PTPRA: variants seen among roughly 807,000 people sequenced by gnomAD.
The protein encoded by PTPRA is protein tyrosine phosphatase receptor type A.
A neutral mutation model predicts 104.8 loss-of-function variants in PTPRA; 25 were observed. That is an observed-to-expected ratio of 0.24 (90% confidence interval 0.17 to 0.33). The LOEUF (loss-of-function observed/expected upper bound fraction) is 0.33, where lower values mean the gene tolerates loss of function less well. PTPRA is among the 10% of genes least tolerant of loss of function. PTPRA has a pLI of 1.00. For missense variants in PTPRA, 765 were observed against 1,015.3 expected (o/e 0.75, Z 3.35); for synonymous variants, 323 against 368.9 (o/e 0.88, Z 1.43).
intron 1 of PTPRA, among the ~76,000 whole-genome samples, chr20:2,910,076 T>C (rs1183813995): frequency 2.5e-5 from 3 of 121,350 alleles, no homozygotes; most frequent in East Asian, 2.1e-4. Flanking sequence ...ATATATATGA[T>C]GTATAGTATA....
At chr20:2,888,566 A>T (rs1214489312) in intron 1 of PTPRA, among the ~76,000 whole-genome samples, 1 of 151,612 alleles carries the variant, frequency 6.6e-6, no homozygotes, top group Admixed American at 6.6e-5. Flanking sequence ...AAGAAAAAGC[A>T]TTTAAAAAAA....
chr20:3,018,339 G>A (rs2148399257), intron 13 of PTPRA, among the ~76,000 whole-genome samples: 1 of 152,110 alleles, frequency 6.6e-6, no homozygotes, highest in South Asian at 2.1e-4. Context: ...GTGAACAAAG[G>A]TCTCTGGTTT....
intron 2 of PTPRA, among the ~76,000 whole-genome samples, chr20:2,924,758 G>A (rs1815418188): frequency 6.6e-6 from 1 of 152,080 alleles, no homozygotes; most frequent in Admixed American, 6.6e-5. Flanking sequence ...TCAGCTCACT[G>A]CAACCTCCGC....
chr20:2,892,381 T>TGGTTCAAC (rs923372990), intron 1 of PTPRA, among the ~76,000 whole-genome samples: 1 of 151,946 alleles, frequency 6.6e-6, no homozygotes, highest in Non-Finnish European at 1.5e-5. Context: ...TGATTTATGA[T>TGGTTCAAC]GGTTCAACTT....
chr20:3,023,835 T>G (rs2065005232), intron 16 of PTPRA, among the ~76,000 whole-genome samples: 2 of 152,232 alleles, frequency 1.3e-5, no homozygotes. Context: ...CTTTCTTTCC[T>G]CAGTCTCTCG....
chr20:3,022,294 G>A lies in PTPRA; in HGVS notation c.1328+74G>A. ...TGGCCAGAGCAGGGGAACAGCACAAGGGCCCTGGCTGAGGAGGCTGGCACA... is the reference window on the plus strand; with the variant it reads ...TGGCCAGAGCAGGGGAACAGCACAAAGGCCCTGGCTGAGGAGGCTGGCACA... On this transcript the variant is annotated intron_variant, in intron 15 of 23. Coordinates refer to ENST00000399903, the MANE Select transcript of PTPRA (RefSeq NM_001385305.1). The surrounding 1 kb of genome is among the most constrained non-coding windows in gnomAD (Gnocchi z 4.6). The A allele has an allele frequency of 6.5e-7, 1 of 1,545,188 alleles. No homozygotes were observed.
rs185023150 is a variant in PTPRA at position 2,974,507 on chromosome 20, A to G, written c.416-708A>G. ...AGTGGCATGATCTCGGCTCACTGCA[A>G]CCTCCCCCTCCTGGGTTCAAGTGAT... On this transcript the variant is annotated intron_variant, in intron 5 of 23. Transcript: ENST00000399903. Among the ~76,000 whole-genome samples the G allele has an allele frequency of 9.4e-5, 14 of 148,890 alleles. No homozygotes were observed. The East Asian group carries it at 9.9e-4, about 10-fold the overall frequency.
intron 9 of PTPRA, among the ~76,000 whole-genome samples, chr20:2,988,799 A>G (rs555087585): frequency 3.3e-5 from 5 of 152,362 alleles, no homozygotes; most frequent in South Asian, 2.1e-4. Context: ...AACAGATCCA[A>G]TCCCTATTCT....
chr20:3,022,204 A>G lies in PTPRA; in HGVS notation c.1312A>G (p.Ile438Val), dbSNP rs746814439. The G allele has an allele frequency of 3.1e-6, 5 of 1,614,196 alleles. No individual in the cohort carries two copies. Among genetic ancestry groups the G allele is most frequent in the Non-Finnish European group, 4.2e-6 (5 of 1,180,024 alleles). ...KACNPQYAGA[I>V]VVHCSAGVGR... ...CTGTAACCCTCAGTATGCAGGGGCC[A>G]TCGTGGTCCACTGCAGGTCAGTGTG... is the stretch of plus-strand genomic sequence containing the variant. The change falls in exon 15 of 24, where the codon ATC (isoleucine) becomes GTC (valine). Residue 438 changes from isoleucine (I) to valine (V), a missense_variant. This residue lies in a region of PTPRA where 245 missense variants were observed against 398.7 expected (regional missense o/e 0.61). Coordinates refer to ENST00000399903, the MANE Select transcript of PTPRA (RefSeq NM_001385305.1). The surrounding 1 kb of genome is among the most constrained non-coding windows in gnomAD (Gnocchi z 4.6).
intron 2 of PTPRA, among the ~76,000 whole-genome samples, chr20:2,924,685 TTTG>T (rs970742323): frequency 5.3e-5 from 8 of 151,972 alleles, no homozygotes; most frequent in African/African-American, 1.9e-4. Flanking sequence ...GAAAAGGTGT[TTTG>T]TTTTGTTTTT....
At chr20:2,901,848 T>C (rs2059249872) in intron 1 of PTPRA, among the ~76,000 whole-genome samples, 1 of 152,246 alleles carries the variant, frequency 6.6e-6, no homozygotes, top group East Asian at 1.9e-4. Flanking sequence ...AGATATTTTA[T>C]TCATAAAGTT....
At chr20:2,991,320 G>T (rs541519693) in intron 9 of PTPRA, among the ~76,000 whole-genome samples, 1 of 151,164 alleles carries the variant, frequency 6.6e-6, no homozygotes, top group Non-Finnish European at 1.5e-5. Context: ...AGCCAAGGTC[G>T]TGCCATTGCA....
intron 2 of PTPRA, among the ~76,000 whole-genome samples, chr20:2,940,932 C>A (rs573140877): frequency 6.6e-6 from 1 of 151,954 alleles, no homozygotes; most frequent in South Asian, 2.1e-4. Context: ...ACATAATTTT[C>A]TTGGGTGAAA....
At chr20:3,003,140 ATTTGT>A (rs1437290877) in intron 9 of PTPRA, among the ~76,000 whole-genome samples, 2 of 152,086 alleles carry the variant, frequency 1.3e-5, no homozygotes, top group Admixed American at 1.3e-4. Context: ...TTATATATGT[ATTTGT>A]TTTATTTGTT....
At chr20:2,866,913 C>T in the PTPRA span, among the ~76,000 whole-genome samples, 1 of 152,248 alleles carries the variant, frequency 6.6e-6, no homozygotes, top group African/African-American at 2.4e-5. Context: ...CTCTATCTCA[C>T]AGCTCCTAGG....
chr20:2,912,865 G>A (rs572763), intron 1 of PTPRA, among the ~76,000 whole-genome samples: 28,193 of 152,062 alleles, frequency 0.19, 3,881 homozygotes, highest in African/African-American at 0.39. Context: ...AGGGGTAATG[G>A]GGTACTTTGA....
At chr20:2,969,674 G>GAAACCCCATCTCTAC (rs1568675063) in intron 5 of PTPRA, among the ~76,000 whole-genome samples, 3 of 706 alleles carry the variant, frequency 4.2e-3, no homozygotes, top group African/African-American at 0.013. Flanking sequence ...CTAACATGGT[G>GAAACCCCATCTCTAC]TAAATAAATA....
chr20:3,006,263 T>C (rs1046463918), intron 10 of PTPRA, among the ~76,000 whole-genome samples: 10 of 152,176 alleles, frequency 6.6e-5, no homozygotes, highest in African/African-American at 2.4e-4. Flanking sequence ...ATCATAGATA[T>C]GTATCCTCGA....
chr20:3,009,827 C>T (rs1232929454), intron 11 of PTPRA, among the ~76,000 whole-genome samples: 6 of 151,152 alleles, frequency 4.0e-5, no homozygotes, highest in Non-Finnish European at 8.8e-5. Flanking sequence ...AGAGAATACT[C>T]AACTAAAAGT....
Sources: allele counts gnomAD v4.1 joint callset (sites outside exome capture counted in the v4.1 genomes callset), GRCh38; gene constraint gnomAD v4.1.1; regional missense constraint gnomAD v4.1.1; non-coding constraint Gnocchi (gnomAD v3.1); transcripts MANE v1.5; gene names NCBI Gene and HGNC (gene_info 2026-07-23, HGNC 2026-07-21).